The following MRPS5 variants were observed in gnomAD, a reference collection of about 807,000 sequenced individuals.
MRPS5 encodes the protein mitochondrial ribosomal protein S5.
A neutral mutation model predicts 51.9 loss-of-function variants in MRPS5; 27 were observed. The ratio of observed to expected loss-of-function variants is 0.52; its 90% CI spans 0.38 to 0.72. The LOEUF (loss-of-function observed/expected upper bound fraction) is 0.72, where lower values mean the gene tolerates loss of function less well. MRPS5 is among the 30% of genes least tolerant of loss of function. MRPS5 has a pLI of 0.00. For missense variants in MRPS5, 570 were observed against 545.7 expected (o/e 1.04, Z -0.44); for synonymous variants, 196 against 193.2 (o/e 1.01, Z -0.12).
At chr2:95,106,792 A>C (rs929707084) in intron 5 of MRPS5, 1 of 363,958 alleles carries the variant, frequency 2.7e-6, no homozygotes, top group East Asian at 5.7e-5. Flanking sequence ...ACCACAGTCC[A>C]TCATTTCCAC....
At chr2:95,121,013 G>A (rs1046910873) in intron 1 of MRPS5, among the ~76,000 whole-genome samples, 10 of 152,254 alleles carry the variant, frequency 6.6e-5, no homozygotes, top group East Asian at 1.9e-4. Context: ...AGCTACTCAG[G>A]AGGCTGAGGC....
chr2:95,095,000 A>C (rs1675579529), intron 10 of MRPS5, among the ~76,000 whole-genome samples: 1 of 152,238 alleles, frequency 6.6e-6, no homozygotes, highest in Non-Finnish European at 1.5e-5. Context: ...GTGCAGAGAC[A>C]CATATAGGCT....
chr2:95,116,934 A>G (rs1676300160), intron 2 of MRPS5, among the ~76,000 whole-genome samples: 1 of 152,150 alleles, frequency 6.6e-6, no homozygotes, highest in Non-Finnish European at 1.5e-5. Context: ...TGAGGTCAGG[A>G]GTTCAAGACC....
chr2:95,109,869 G>A (rs770750400), intron 4 of MRPS5, 47 bp downstream of exon 4: 3 of 1,583,666 alleles, frequency 1.9e-6, no homozygotes, highest in Non-Finnish European at 1.7e-6. Context: ...AAAATCTGGG[G>A]TAAGAAACTT....
chr2:95,108,320 C>A lies in MRPS5; in HGVS notation c.492G>T (p.Glu164Asp). The A allele has an allele frequency of 6.2e-7, 1 of 1,614,204 alleles. No individual in the cohort carries two copies. Among genetic ancestry groups the A allele is most frequent in the Non-Finnish European group, 8.5e-7 (1 of 1,180,042 alleles). The change falls in exon 5 of 12, where the codon GAG becomes GAT. Residue 164 changes from glutamate to aspartate, a missense_variant. Transcript: ENST00000272418. Reference protein sequence around the residue: ...VQTIAQRSKEEQEKVEADMIQ... With the variant: ...VQTIAQRSKEDQEKVEADMIQ... ...TCATGTCTGCCTCCACCTTCTCCTG[C>A]TCTTCCTTGCTTCTTTGGGCAATGG...
intron 3 of MRPS5, among the ~76,000 whole-genome samples, chr2:95,114,082 T>G (rs569572944): frequency 7.9e-6 from 1 of 126,052 alleles, no homozygotes; most frequent in African/African-American, 3.1e-5. Context: ...ATCGCACTAC[T>G]GTACTCCGGC....
At chr2:95,121,502 T>C (rs1446957378) in intron 1 of MRPS5, among the ~76,000 whole-genome samples, 4 of 152,180 alleles carry the variant, frequency 2.6e-5, no homozygotes, top group Non-Finnish European at 5.9e-5. Flanking sequence ...GGAAGAACCC[T>C]GAAGAACGAC....
chr2:95,115,278 A>AG, intron 2 of MRPS5, 75 bp from the exon 3 acceptor site: 1 of 1,293,186 alleles, frequency 7.7e-7, no homozygotes, highest in Non-Finnish European at 1.0e-6. Context: ...TCAAATAATC[A>AG]TTACTAACAA....
chr2:95,121,756 G>C lies in MRPS5; in HGVS notation c.36C>G (p.Pro12=), dbSNP rs148536948. The C allele has an allele frequency of 3.2e-6, 5 of 1,553,896 alleles. No individual in the cohort carries two copies. Among genetic ancestry groups the C allele is most frequent in the Admixed American group, 1.8e-5 (1 of 54,530 alleles). Reference sequence around the variant, plus strand: ...CACCTGCCGTCCCGCTACACAGCACGGGGAGGCAGCCCACAGCGCGCACCG... The same window carrying C: ...CACCTGCCGTCCCGCTACACAGCACCGGGAGGCAGCCCACAGCGCGCACCG... ...ATAVRAVGCL[P]VLCSGTAGHL... The change falls in exon 1 of 12, where the codon CCC becomes CCG. Residue 12 remains proline, a synonymous_variant. Coordinates refer to ENST00000272418, the MANE Select transcript of MRPS5 (RefSeq NM_031902.5).
At chr2:95,121,263 G>A (rs769615339) in intron 1 of MRPS5, among the ~76,000 whole-genome samples, 9 of 152,178 alleles carry the variant, frequency 5.9e-5, no homozygotes, top group Non-Finnish European at 1.3e-4. Flanking sequence ...CGGGCTCTAG[G>A]GCTCTTCAGA....
intron 10 of MRPS5, 94 bp from the exon 11 acceptor site, chr2:95,090,616 T>C (rs1166922552): frequency 2.1e-6 from 3 of 1,453,474 alleles, no homozygotes; most frequent in Non-Finnish European, 2.8e-6. Flanking sequence ...GCTCTGGGCT[T>C]CGGGAAACTG....
In MRPS5 at chr2:95,110,055, G is replaced by A. The variant is rs759917614; in HGVS notation, c.278-14C>T. The stretch of plus-strand genomic sequence containing the variant: ...CATCTGCAGTCACTGTAACGAAACA[G>A]GGTTTCTTTTCTTAATTCTGTAGTT... On this transcript the variant is annotated splice_polypyrimidine_tract_variant and intron_variant, in intron 3 of 11. Coordinates refer to ENST00000272418, the MANE Select transcript of MRPS5 (RefSeq NM_031902.5). 1 of 1,601,264 alleles carries A rather than the reference G, an allele frequency of 6.2e-7. No individual in the cohort carries two copies. The highest frequency in any genetic ancestry group is 1.4e-5 in the African/African-American group (1 of 73,698).
Position 95,106,072 on chromosome 2 carries a change from G to T in MRPS5, c.672+351C>A, listed in dbSNP as rs555426451. On this transcript the variant is annotated intron_variant, in intron 6 of 11. Coordinates refer to ENST00000272418, the MANE Select transcript of MRPS5 (RefSeq NM_031902.5). Reference sequence around the variant, plus strand: ...CTGCCCAGGGCTCCCTGCAATCCCAGATCCCTGCATAGACTGCTAGATACA... The same window carrying T: ...CTGCCCAGGGCTCCCTGCAATCCCATATCCCTGCATAGACTGCTAGATACA... Among the ~76,000 whole-genome samples the T allele has an allele frequency of 1.4e-4, 22 of 152,256 alleles. 1 individual carries two copies. In the South Asian group the frequency reaches 4.4e-3, roughly 30 times the overall value.
chr2:95,089,829 G>T (rs1198132656), intron 11 of MRPS5, among the ~76,000 whole-genome samples: 1 of 152,168 alleles, frequency 6.6e-6, no homozygotes, highest in East Asian at 1.9e-4. Flanking sequence ...CATGTAGATT[G>T]TAATTATTGG....
rs761105808 is a variant in MRPS5, at chr2:95,087,521, A to G, written c.1129T>C (p.Cys377Arg). ...GLHVVEIREE[C>R]GPLPIVVASP... is the part of the protein sequence containing the mutation. ...GCAACCACAATGGGCAGAGGGCCAC[A>G]TTCCTCCCGGATTTCCACAACATGG... The change falls in exon 12 of 12, where the codon TGT becomes CGT. Residue 377 changes from cysteine to arginine, a missense_variant. Coordinates refer to ENST00000272418, the MANE Select transcript of MRPS5 (RefSeq NM_031902.5). 1 of 1,614,192 alleles carries G rather than the reference A, an allele frequency of 6.2e-7. No individual in the cohort carries two copies. The highest frequency in any genetic ancestry group is 8.5e-7 in the Non-Finnish European group (1 of 1,180,036).
At chr2:95,096,765 T>C (rs1361460994) in intron 10 of MRPS5, among the ~76,000 whole-genome samples, 5 of 152,164 alleles carry the variant, frequency 3.3e-5, no homozygotes, top group Non-Finnish European at 7.3e-5. Context: ...AGCATTCCCT[T>C]TGAAAACTGG....
intron 10 of MRPS5, chr2:95,092,105 G>A (rs1387112849): frequency 1.3e-5 from 2 of 152,236 alleles, no homozygotes; most frequent in African/African-American, 2.4e-5. Context: ...CACAGACACT[G>A]CATGAACACT....
chr2:95,121,590 G>C, intron 1 of MRPS5, 144 bp downstream of exon 1: 1 of 879,838 alleles, frequency 1.1e-6, no homozygotes, highest in Non-Finnish European at 1.6e-6. Context: ...TCACACAGCG[G>C]CTCCGGCGGA....
At chr2:95,118,912 A>G (rs993508082) in intron 1 of MRPS5, among the ~76,000 whole-genome samples, 3 of 152,240 alleles carry the variant, frequency 2.0e-5, no homozygotes, top group African/African-American at 7.2e-5. Context: ...AAACATAGGG[A>G]TAAATCATCA....
Sources: gnomAD v4.1 joint callset for allele counts (sites outside exome capture counted in the v4.1 genomes callset) on GRCh38, gnomAD v4.1.1 for gene constraint, MANE v1.5 for transcripts, NCBI Gene and HGNC (gene_info 2026-07-23, HGNC 2026-07-21) for gene names.